NELL1: variants seen among roughly 807,000 people sequenced by gnomAD.
NELL1 encodes protein kinase C-binding protein NELL1.
NELL1 carries 76 observed loss-of-function variants against 107.4 expected under a neutral mutation model. The observed-to-expected ratio is 0.71, with a 90% CI of 0.59 to 0.86. The LOEUF is 0.86. Among genes scored for constraint, NELL1 ranks in the 40% least tolerant of loss-of-function variants. The pLI is 0.00. For missense variants in NELL1, 1,024 were observed against 1,005.5 expected (o/e 1.02, Z -0.25); for synonymous variants, 353 against 341.2 (o/e 1.03, Z -0.38).
At chr11:21,230,561 T>C (rs1023907926) in intron 14 of NELL1, among the ~76,000 whole-genome samples, 2 of 152,240 alleles carry the variant, frequency 1.3e-5, no homozygotes, top group Admixed American at 6.5e-5. Context: ...ATCCTTATTT[T>C]AGAAGTGATA....
At chr11:21,032,182 T>G (rs1466425257) in intron 12 of NELL1, among the ~76,000 whole-genome samples, 1 of 152,040 alleles carries the variant, frequency 6.6e-6, no homozygotes, top group Non-Finnish European at 1.5e-5. Flanking sequence ...TCAGGCATTG[T>G]ACTTCGGCTC....
intron 3 of NELL1, among the ~76,000 whole-genome samples, chr11:20,793,428 T>C (rs999153550): frequency 1.3e-5 from 2 of 152,114 alleles, no homozygotes; most frequent in South Asian, 4.1e-4. Flanking sequence ...ATGTAATTTA[T>C]TGATCTTTTA....
At chr11:21,406,339 G>A (rs1852235649) in intron 15 of NELL1, among the ~76,000 whole-genome samples, 1 of 151,840 alleles carries the variant, frequency 6.6e-6, no homozygotes, top group Non-Finnish European at 1.5e-5. Context: ...TTTTTAAGTG[G>A]TATTTTATTC....
At chr11:20,755,863 C>T (rs1209132722) in intron 2 of NELL1, among the ~76,000 whole-genome samples, 15 of 120,348 alleles carry the variant, frequency 1.2e-4, no homozygotes, top group African/African-American at 3.4e-4. Context: ...GCCAGACCTG[C>T]GGTTTTTTTT....
At chr11:20,807,076 T>C (rs1857400683) in intron 3 of NELL1, among the ~76,000 whole-genome samples, 1 of 151,010 alleles carries the variant, frequency 6.6e-6, no homozygotes, top group Non-Finnish European at 1.5e-5. Context: ...TTTGTTGGGG[T>C]CATGTTTTCA....
intron 2 of NELL1, among the ~76,000 whole-genome samples, chr11:20,700,351 T>TA (rs1854744415): frequency 6.6e-6 from 1 of 151,872 alleles, no homozygotes; most frequent in Non-Finnish European, 1.5e-5. Flanking sequence ...TGGTGGCACG[T>TA]GCCTGTAGTC....
intron 13 of NELL1, among the ~76,000 whole-genome samples, chr11:21,166,060 T>A (rs1044860686): frequency 6.6e-6 from 1 of 151,718 alleles, no homozygotes; most frequent in Non-Finnish European, 1.5e-5. Flanking sequence ...TGGCCCAAGA[T>A]CTTGTTATTT....
intron 13 of NELL1, among the ~76,000 whole-genome samples, chr11:21,166,742 T>C (rs910442861): frequency 6.6e-6 from 1 of 151,266 alleles, no homozygotes; most frequent in South Asian, 2.1e-4. Flanking sequence ...TGAAAGAAAA[T>C]GAAAGGAAAA....
At chr11:21,522,893 T>C (rs1260191321) in intron 15 of NELL1, among the ~76,000 whole-genome samples, 5 of 132,942 alleles carry the variant, frequency 3.8e-5, no homozygotes, top group Non-Finnish European at 4.6e-5. Context: ...CAGGCTGGAG[T>C]GCAGTGGCTC....
intron 2 of NELL1, among the ~76,000 whole-genome samples, chr11:20,747,863 T>G (rs78262661): frequency 0.035 from 5,266 of 152,270 alleles, 298 homozygotes; most frequent in African/African-American, 0.12. Context: ...TGAGCTATAG[T>G]TGGGAACTGC....
intron 2 of NELL1, among the ~76,000 whole-genome samples, chr11:20,723,640 G>C (rs983818351): frequency 3.3e-5 from 5 of 152,110 alleles, no homozygotes; most frequent in African/African-American, 2.4e-5. Context: ...AGCACACAGT[G>C]GTAACCTGTT....
At chr11:20,771,125 C>T (rs541578171) in intron 2 of NELL1, among the ~76,000 whole-genome samples, 34 of 152,224 alleles carry the variant, frequency 2.2e-4, no homozygotes, top group Middle Eastern at 3.4e-3. Context: ...CAGAGGGTCC[C>T]CCTCCCCAAG....
At chr11:20,753,629 A>C (rs1056619064) in intron 2 of NELL1, among the ~76,000 whole-genome samples, 1 of 152,262 alleles carries the variant, frequency 6.6e-6, no homozygotes, top group African/African-American at 2.4e-5. Flanking sequence ...TAGCCAATTC[A>C]AAATGGCTTA....
chr11:21,192,804 A>G lies in NELL1; in HGVS notation c.1427-36528A>G, dbSNP rs989431174. On this transcript the variant is annotated intron_variant, in intron 13 of 19. Coordinates refer to ENST00000357134, the MANE Select transcript of NELL1 (RefSeq NM_006157.5). The stretch of plus-strand genomic sequence containing the variant: ...TTTTTTCTGGGCATACAATTAGTCT[A>G]GTCAATAGAGGTCACACTGGACCAA... Among the ~76,000 whole-genome samples, 9 of 151,866 alleles carry G rather than the reference A, an allele frequency of 5.9e-5. 1 individual carries two copies. The highest frequency in any genetic ancestry group is 2.2e-4 in the African/African-American group (9 of 41,154).
At chr11:20,821,239 A>T (rs1012322156) in intron 3 of NELL1, among the ~76,000 whole-genome samples, 3 of 152,120 alleles carry the variant, frequency 2.0e-5, no homozygotes, top group African/African-American at 7.2e-5. Flanking sequence ...GGCACGATGC[A>T]TTACTCCTTT....
Position 21,522,044 on chromosome 11 carries a change from G to T in NELL1, c.1646-12330G>T, listed in dbSNP as rs79114635. 6.9e-3 allele frequency among the ~76,000 whole-genome samples: 1,043 copies of T among 151,972 alleles called. 4 individuals are homozygous for T. Among genetic ancestry groups the T allele is most frequent in the African/African-American group, 0.016 (664 of 41,450 alleles). ...GCTTGCAAATATTTTCTTCCATTCT[G>T]CAGACTGTCTCTTCACTCTGTTGTG... is the stretch of plus-strand genomic sequence containing the variant. On this transcript the variant is annotated intron_variant, in intron 15 of 19. Transcript: ENST00000357134.
rs1853018735 is a variant in NELL1, at chr11:21,033,712, G to GTGTCTT, written c.1300+73154_1300+73159dup. 2.0e-5 allele frequency among the ~76,000 whole-genome samples: 3 copies of GTGTCTT among 152,070 alleles called. No homozygotes were observed. The South Asian group carries it at 6.2e-4, about 32-fold the overall frequency. Reference sequence around the variant, plus strand: ...TGCTGCAATGAGTATACACGTGCATGTGTCTTTAATATAGAACAATTTATA... The same window carrying GTGTCTT: ...TGCTGCAATGAGTATACACGTGCATGTGTCTTTGTCTTTAATATAGAACAATTTATA... On this transcript the variant is annotated intron_variant, in intron 12 of 19. Coordinates refer to ENST00000357134, the MANE Select transcript of NELL1 (RefSeq NM_006157.5).
At chr11:21,073,164 T>C (rs11025902) in intron 12 of NELL1, among the ~76,000 whole-genome samples, 3,748 of 152,240 alleles carry the variant, frequency 0.025, 103 homozygotes, top group South Asian at 0.16. Context: ...TCTGATTACC[T>C]TGGAGGCAGA....
chr11:21,278,138 T>G (rs1335217513), intron 14 of NELL1, among the ~76,000 whole-genome samples: 8 of 150,812 alleles, frequency 5.3e-5, no homozygotes, highest in South Asian at 2.1e-4. Context: ...AGAAGCGAAC[T>G]TCCTCAACTT....
Sources: gnomAD v4.1 joint callset for allele counts (sites outside exome capture counted in the v4.1 genomes callset) on GRCh38, gnomAD v4.1.1 for gene constraint, MANE v1.5 for transcripts, NCBI Gene and HGNC (gene_info 2026-07-23, HGNC 2026-07-21) for gene names.